Variants in CALD1 observed in about 807,000 individuals in gnomAD.
CALD1 encodes the protein caldesmon 1.
Under a neutral mutation model 99.9 loss-of-function variants are expected in CALD1, and 33 were observed. The observed-to-expected ratio is 0.33, with a 90% confidence interval of 0.25 to 0.44. The LOEUF (loss-of-function observed/expected upper bound fraction) is 0.44. Ranked by LOEUF, CALD1 falls within the 20% of genes least tolerant of loss-of-function variation. The pLI is 1.00. For missense variants in CALD1, 861 were observed against 962.1 expected, an observed-to-expected ratio of 0.89 and a Z score of 1.39; for synonymous variants, 310 against 325.0, an observed-to-expected ratio of 0.95 and a Z score of 0.50.
At chr7:134,802,729 C>G (rs1435477235) in intron 1 of CALD1, among the ~76,000 whole-genome samples, 2 of 152,222 alleles carry the variant, frequency 1.3e-5, no homozygotes, top group African/African-American at 4.8e-5. Context: ...ATCTTATGTA[C>G]TGCATATCAC....
intron 1 of CALD1, among the ~76,000 whole-genome samples, chr7:134,796,176 C>T (rs892069881): frequency 2.0e-5 from 3 of 152,120 alleles, no homozygotes; most frequent in Non-Finnish European, 2.9e-5. Context: ...AGATAGTGGT[C>T]TAATAGAAAA....
At chr7:134,785,587 G>T (rs1010292044) in intron 1 of CALD1, among the ~76,000 whole-genome samples, 1 of 152,196 alleles carries the variant, frequency 6.6e-6, no homozygotes, top group Non-Finnish European at 1.5e-5. Flanking sequence ...CATGGTGTTT[G>T]TCAAGTGGAC....
intron 1 of CALD1, among the ~76,000 whole-genome samples, chr7:134,755,904 ATCT>A (rs1796723490): frequency 1.3e-5 from 2 of 152,100 alleles, no homozygotes; most frequent in Non-Finnish European, 2.9e-5. Flanking sequence ...CATATATTTA[ATCT>A]ATCTGGAAAT....
the CALD1 span, among the ~76,000 whole-genome samples, chr7:134,723,937 T>G: frequency 6.6e-6 from 1 of 152,166 alleles, no homozygotes; most frequent in South Asian, 2.1e-4. Flanking sequence ...AGGCGTTCAA[T>G]GGGATCTGAA....
intron 1 of CALD1, among the ~76,000 whole-genome samples, chr7:134,769,397 TCAA>T (rs916426058): frequency 2.6e-5 from 4 of 152,240 alleles, no homozygotes; most frequent in Non-Finnish European, 4.4e-5. Context: ...TTGTACATCA[TCAA>T]CAACGTTTAG....
At chr7:134,765,786 T>C (rs1796820284) in intron 1 of CALD1, among the ~76,000 whole-genome samples, 1 of 152,138 alleles carries the variant, frequency 6.6e-6, no homozygotes, top group Non-Finnish European at 1.5e-5. Flanking sequence ...TGGTGATGGA[T>C]TTCTCATGAA....
chr7:134,743,445 A>G (rs1796607802), upstream of CALD1, among the ~76,000 whole-genome samples: 1 of 152,126 alleles, frequency 6.6e-6, no homozygotes, highest in African/African-American at 2.4e-5. Flanking sequence ...GCTCTTCACA[A>G]TCCTGAGCAA....
the CALD1 span, among the ~76,000 whole-genome samples, chr7:134,716,769 A>G: frequency 6.6e-6 from 1 of 152,202 alleles, no homozygotes; most frequent in Non-Finnish European, 1.5e-5. Flanking sequence ...TATCAGTTTT[A>G]TTAAGGAATA....
Position 134,969,335 on chromosome 7 carries a change from T to C in CALD1, c.*990T>C. On this transcript the variant is annotated 3_prime_UTR_variant, in exon 15 of 15. Transcript: ENST00000361675. The stretch of plus-strand genomic sequence containing the variant: ...AGTATTTAGTTTATAATTAAATGCA[T>C]TCTTGAAGTCCAGTGTGAATTTTAT... The C allele has an allele frequency of 6.6e-6, 1 of 152,222 alleles. No homozygotes were observed. Among genetic ancestry groups the C allele is most frequent in the Non-Finnish European group, 1.5e-5 (1 of 68,040 alleles). The allele number at this position is 152,222 out of a possible 1,614,324, so 9.4% of individuals were successfully genotyped here. A position where few individuals can be genotyped will look rare whatever the true frequency, so the allele number is the denominator to read the frequency against.
At chr7:134,796,554 C>A (rs533073881) in intron 1 of CALD1, among the ~76,000 whole-genome samples, 57 of 152,054 alleles carry the variant, frequency 3.7e-4, no homozygotes, top group Middle Eastern at 3.2e-3. Flanking sequence ...GCCCCACCCC[C>A]AGTTCCAGCC....
At chr7:134,758,807 C>T (rs1796752312) in intron 1 of CALD1, among the ~76,000 whole-genome samples, 1 of 152,180 alleles carries the variant, frequency 6.6e-6, no homozygotes, top group Non-Finnish European at 1.5e-5. Flanking sequence ...GCTTGACAGT[C>T]TCTTCCTGGG....
intron 1 of CALD1, among the ~76,000 whole-genome samples, chr7:134,764,926 T>C (rs749907209): frequency 1.2e-4 from 19 of 152,228 alleles, no homozygotes; most frequent in Non-Finnish European, 2.4e-4. Flanking sequence ...GGGATGATTA[T>C]TGATTCCCCT....
In CALD1 at chr7:134,970,403, G is replaced by A. The variant is rs1289118301; in HGVS notation, c.*2058G>A. On this transcript the variant is annotated 3_prime_UTR_variant, in exon 15 of 15. Transcript: ENST00000361675. The stretch of plus-strand genomic sequence containing the variant: ...ATATTTGGATGGAGTAAGTTTTAGG[G>A]TAGAATTTTGTTCAGTTTGGATTTA... The A allele has an allele frequency of 6.6e-6, 1 of 152,534 alleles. No individual in the cohort carries two copies. The highest frequency in any genetic ancestry group is 1.5e-5 in the Non-Finnish European group (1 of 68,026). 9.4% of individuals were successfully genotyped at this position (152,534 alleles called of 1,614,324 possible). A position where few individuals can be genotyped will look rare whatever the true frequency, so the allele number is the denominator to read the frequency against.
At chr7:134,816,750 T>C (rs1798578500) in intron 1 of CALD1, among the ~76,000 whole-genome samples, 1 of 152,174 alleles carries the variant, frequency 6.6e-6, no homozygotes, top group Non-Finnish European at 1.5e-5. Context: ...TGTATTCAAA[T>C]AGACACTGGA....
intron 1 of CALD1, chr7:134,821,839 C>T (rs1438743423): frequency 1.3e-5 from 2 of 152,084 alleles, no homozygotes; most frequent in Non-Finnish European, 2.9e-5. Context: ...CCTCGGCCTC[C>T]CAAAGTGCTA....
At chr7:134,803,369 G>A (rs1023270075) in intron 1 of CALD1, among the ~76,000 whole-genome samples, 5 of 151,954 alleles carry the variant, frequency 3.3e-5, no homozygotes, top group Admixed American at 1.3e-4. Flanking sequence ...ATAAACAAAA[G>A]TTTTATATTT....
intron 3 of CALD1, among the ~76,000 whole-genome samples, chr7:134,908,574 G>C (rs1035660408): frequency 8.5e-5 from 13 of 152,156 alleles, no homozygotes; most frequent in African/African-American, 3.1e-4. Flanking sequence ...CATTTGGGGA[G>C]CTTTCAAAAG....
intron 3 of CALD1, among the ~76,000 whole-genome samples, chr7:134,897,389 AAT>A (rs772700602): frequency 1.4e-4 from 21 of 146,622 alleles, no homozygotes; most frequent in South Asian, 2.1e-4. Context: ...TATATATATA[AAT>A]ATATATATAT....
At chr7:134,869,736 G>A (rs1800974827) in intron 3 of CALD1, among the ~76,000 whole-genome samples, 1 of 152,128 alleles carries the variant, frequency 6.6e-6, no homozygotes, top group African/African-American at 2.4e-5. Flanking sequence ...TTCACTCTTT[G>A]TTCAAAAAGG....
Sources: gnomAD v4.1 joint callset for allele counts (sites outside exome capture counted in the v4.1 genomes callset) on GRCh38, gnomAD v4.1.1 for gene constraint, MANE v1.5 for transcripts, NCBI Gene and HGNC (gene_info 2026-07-23, HGNC 2026-07-21) for gene names.